Variants in SEC24B observed in about 807,000 individuals in gnomAD.
SEC24B encodes SEC24 homolog B, COPII component.
SEC24B carries 45 observed loss-of-function variants against 142.8 expected under a neutral mutation model. The ratio of observed to expected loss-of-function variants is 0.32; its 90% CI spans 0.25 to 0.40. SEC24B has a LOEUF of 0.40. Ranked by LOEUF, SEC24B falls within the 10% of genes least tolerant of loss-of-function variation. The pLI, the probability that SEC24B is intolerant of heterozygous loss-of-function variation, is 1.00. For synonymous variants in SEC24B, 574 were observed against 568.2 expected, an observed-to-expected ratio of 1.01 and a Z score of -0.15; for missense variants, 1,409 against 1,526.8, an observed-to-expected ratio of 0.92 and a Z score of 1.29.
chr4:109,445,249 T>TG (rs1729332855), intron 1 of SEC24B, among the ~76,000 whole-genome samples: 2 of 145,144 alleles, frequency 1.4e-5, no homozygotes, highest in Admixed American at 6.8e-5. Flanking sequence ...TTTGTTTTTT[T>TG]TTTTTTTTTT....
intron 1 of SEC24B, among the ~76,000 whole-genome samples, chr4:109,443,450 TG>T (rs1729119775): frequency 6.6e-6 from 1 of 152,184 alleles, no homozygotes; most frequent in South Asian, 2.1e-4. Flanking sequence ...CTGTGTTGCC[TG>T]GGATGGTCTC....
At chr4:109,493,320 G>A (rs1240101284) in intron 5 of SEC24B, among the ~76,000 whole-genome samples, 1 of 152,014 alleles carries the variant, frequency 6.6e-6, no homozygotes, top group Non-Finnish European at 1.5e-5. Flanking sequence ...ATGTTTCTAA[G>A]AATATATTTT....
At position 109,443,416 on chromosome 4, in the gene SEC24B, T is replaced by C. The variant is rs1017256057; in HGVS notation, c.133+9414T>C. On this transcript the variant is annotated intron_variant, in intron 1 of 23. Transcript: ENST00000265175. ...TGTAATCCTAACAGTTATATATAAC[T>C]TTTATTTTAGAGACGAGATCTCACT... is the stretch of plus-strand genomic sequence containing the variant. Among the ~76,000 whole-genome samples, 9 of 152,128 alleles carry C rather than the reference T, an allele frequency of 5.9e-5. No individual in the cohort carries two copies. The East Asian group carries it at 1.7e-3, about 29-fold the overall frequency.
intron 6 of SEC24B, among the ~76,000 whole-genome samples, chr4:109,505,027 C>T (rs965229571): frequency 6.6e-6 from 1 of 151,790 alleles, no homozygotes; most frequent in African/African-American, 2.4e-5. Flanking sequence ...TAAATAGAAA[C>T]AATGGAAGGA....
At chr4:109,489,840 G>T (rs1169649018) in intron 4 of SEC24B, among the ~76,000 whole-genome samples, 2 of 151,528 alleles carry the variant, frequency 1.3e-5, no homozygotes, top group Non-Finnish European at 3.0e-5. Flanking sequence ...CCATTCATCT[G>T]TTGATGAATA....
chr4:109,513,772 C>T lies in SEC24B; in HGVS notation c.1929C>T (p.Pro643=). The T allele has an allele frequency of 6.2e-7, 1 of 1,612,446 alleles. No individual in the cohort carries two copies. The highest frequency in any genetic ancestry group is 8.5e-7 in the Non-Finnish European group (1 of 1,178,728). The part of the protein sequence containing the change: ...NDVPEEFMYN[P]LTRSYGEPHK... ...TTCCTGAAGAATTTATGTATAACCC[C>T]CTTACCCGATCTTATGGAGAGCCTC... Residue 643 remains proline (P), a synonymous_variant, in exon 10 of 24, where the codon CCC becomes CCT. Transcript: ENST00000265175.
At chr4:109,495,695 G>A (rs1735469754) in intron 6 of SEC24B, among the ~76,000 whole-genome samples, 1 of 152,106 alleles carries the variant, frequency 6.6e-6, no homozygotes, top group Non-Finnish European at 1.5e-5. Flanking sequence ...ATTATCTTTG[G>A]CCAGCACCAT....
In SEC24B at chr4:109,531,463, G is replaced by T; in HGVS notation, c.3331G>T (p.Val1111Phe). 1 of 1,611,786 alleles carries T rather than the reference G, an allele frequency of 6.2e-7. No homozygotes were observed. The highest frequency in any genetic ancestry group is 1.1e-5 in the South Asian group (1 of 91,032). ...GTGTCAGATAAAGTCTCAGCCACTT[G>T]TTCATCTAATGAAAATGATTCATCC... ...AMCQIKSQPL[V>F]HLMKMIHPNL... The change falls in exon 20 of 24, where the codon GTT (valine) becomes TTT (phenylalanine). Residue 1111 changes from valine to phenylalanine, a missense_variant. By Grantham distance (50) the Val-to-Phe change is conservative. Around this residue, in one of 2 missense-constraint regions of SEC24B, gnomAD observed 700 missense variants for 853.3 expected, o/e 0.82. Coordinates refer to ENST00000265175, the MANE Select transcript of SEC24B (RefSeq NM_006323.5).
chr4:109,516,459 G>A (rs867225696), intron 10 of SEC24B, 69 bp from the exon 11 acceptor site: 2 of 849,238 alleles, frequency 2.4e-6, no homozygotes, highest in South Asian at 3.6e-5. Context: ...ATATCCAGTA[G>A]CAATAGTAAT....
Position 109,525,421 on chromosome 4 carries a change from C to G in SEC24B, c.2708C>G (p.Ala903Gly). The G allele has an allele frequency of 1.2e-6, 2 of 1,611,632 alleles. No homozygotes were observed. The highest frequency in any genetic ancestry group is 1.7e-6 in the Non-Finnish European group (2 of 1,178,664). Reference protein sequence around the residue: ...SFHYTHNPSQAEKLQKDLKRY... With the variant: ...SFHYTHNPSQGEKLQKDLKRY... Reference sequence around the variant, plus strand: ...CACTATACTCACAATCCTTCACAAGCAGAAAAGTTACAAAAAGACCTAAAA... The same window carrying G: ...CACTATACTCACAATCCTTCACAAGGAGAAAAGTTACAAAAAGACCTAAAA... Residue 903 changes from alanine (A) to glycine (G), a missense_variant, in exon 16 of 24, where the codon GCA becomes GGA. Transcript: ENST00000265175.
chr4:109,519,293 G>T (rs930001352), intron 11 of SEC24B, among the ~76,000 whole-genome samples: 3 of 152,074 alleles, frequency 2.0e-5, no homozygotes, highest in African/African-American at 7.2e-5. Context: ...AGAGATGATT[G>T]ACAACTTGTA....
chr4:109,442,130 G>T (rs903560971), intron 1 of SEC24B, among the ~76,000 whole-genome samples: 1 of 152,068 alleles, frequency 6.6e-6, no homozygotes, highest in Admixed American at 6.6e-5. Context: ...TCTGTATTTT[G>T]GCATTGTTAG....
chr4:109,508,472 T>C (rs1212527793), intron 7 of SEC24B, among the ~76,000 whole-genome samples: 1 of 151,814 alleles, frequency 6.6e-6, no homozygotes, highest in Non-Finnish European at 1.5e-5. Context: ...TAGGCTGAGG[T>C]GGGAGGATCC....
chr4:109,525,332 A>G lies in SEC24B; in HGVS notation c.2633-14A>G, dbSNP rs748740237. ...TATTTCTATAGCTAATACTTTTTGT[A>G]TTTCTCTCTAAAGCTTGCATGTCCA... On this transcript the variant is annotated splice_polypyrimidine_tract_variant and intron_variant, in intron 15 of 23. Coordinates refer to ENST00000265175, the MANE Select transcript of SEC24B (RefSeq NM_006323.5). 1 of 1,559,876 alleles carries G rather than the reference A, an allele frequency of 6.4e-7. No individual in the cohort carries two copies. The highest frequency in any genetic ancestry group is 1.4e-5 in the African/African-American group (1 of 72,818).
chr4:109,433,933 G>T lies in SEC24B; in HGVS notation c.64G>T (p.Gly22Ter). The T allele has an allele frequency of 7.8e-7, 1 of 1,289,346 alleles. No homozygotes were observed. The highest frequency in any genetic ancestry group is 9.8e-7 in the Non-Finnish European group (1 of 1,019,082). The allele number at this position is 1,289,346 out of a possible 1,614,324, so 79.9% of individuals were successfully genotyped here. A position where few individuals can be genotyped will look rare whatever the true frequency, so the allele number is the denominator to read the frequency against. ...CGCCCGGATCCCGCCCAAGTTCGGC[G>T]GAGCGGCCGTCTCAGGAGCCGCAGC... ...ASARIPPKFG[G>*]AAVSGAAAPA... Residue 22 changes from glycine to a stop codon, truncating the protein, a stop_gained, in exon 1 of 24, where the codon GGA becomes TGA. Transcript: ENST00000265175. LOFTEE classifies it high-confidence loss of function.
At chr4:109,493,894 C>T (rs554470168) in intron 5 of SEC24B, among the ~76,000 whole-genome samples, 2 of 152,158 alleles carry the variant, frequency 1.3e-5, no homozygotes, top group Non-Finnish European at 2.9e-5. Flanking sequence ...CACGCCCAGC[C>T]TCTAGACACT....
chr4:109,532,484 C>T (rs761790250), intron 20 of SEC24B, among the ~76,000 whole-genome samples, 155 bp from the exon 21 acceptor site: 2 of 152,148 alleles, frequency 1.3e-5, no homozygotes, highest in African/African-American at 4.8e-5. Flanking sequence ...GTTGATTCTA[C>T]AGCCAAGGTG....
intron 8 of SEC24B, 139 bp downstream of exon 8, chr4:109,510,250 C>A: frequency 2.2e-6 from 1 of 460,800 alleles, no homozygotes; most frequent in Non-Finnish European, 3.7e-6. Context: ...AACAACTTGG[C>A]AAACATTTTT....
intron 22 of SEC24B, among the ~76,000 whole-genome samples, chr4:109,535,699 AC>A (rs569376391): frequency 9.5e-4 from 145 of 152,108 alleles, no homozygotes; most frequent in African/African-American, 3.0e-3. Flanking sequence ...ATACAAAAAA[AC>A]AATTAGCTGG....
Sources: allele counts gnomAD v4.1 joint callset (sites outside exome capture counted in the v4.1 genomes callset), GRCh38; gene constraint gnomAD v4.1.1; regional missense constraint gnomAD v4.1.1; transcripts MANE v1.5; gene names NCBI Gene and HGNC (gene_info 2026-07-23, HGNC 2026-07-21).